Variants in FBXW11 observed in about 807,000 individuals in gnomAD.
The protein encoded by FBXW11 is F-box/WD repeat-containing protein 11.
FBXW11 carries 19 observed loss-of-function variants against 77.6 expected under a neutral mutation model. That is an observed-to-expected ratio of 0.24 (90% CI 0.17 to 0.36). The LOEUF (loss-of-function observed/expected upper bound fraction) is 0.36. Ranked by LOEUF, FBXW11 falls within the 10% of genes least tolerant of loss-of-function variation. The pLI is 1.00. For synonymous variants in FBXW11, 235 were observed against 249.4 expected, an observed-to-expected ratio of 0.94 and a Z score of 0.54; for missense variants, 334 against 704.2, an observed-to-expected ratio of 0.47 and a Z score of 5.95.
At chr5:171,885,887 T>C (rs1380198889) in intron 7 of FBXW11, among the ~76,000 whole-genome samples, 1 of 152,220 alleles carries the variant, frequency 6.6e-6, no homozygotes, top group East Asian at 1.9e-4. Flanking sequence ...GAGTTATTTT[T>C]TAAAGTGATT....
chr5:171,872,868 C>T lies in FBXW11; in HGVS notation c.1340+4G>A. On this transcript the variant is annotated splice_donor_region_variant and intron_variant, in intron 10 of 13. Coordinates refer to ENST00000517395, the MANE Select transcript of FBXW11 (RefSeq NM_001378974.1). Reference sequence around the variant, plus strand: ...GCTCTGTCAGCACACCAACTTCTACCCACCTAATGGTATTATCTGATGATC... The same window carrying T: ...GCTCTGTCAGCACACCAACTTCTACTCACCTAATGGTATTATCTGATGATC... The T allele has an allele frequency of 6.2e-7, 1 of 1,608,434 alleles. No homozygotes were observed. Among genetic ancestry groups the T allele is most frequent in the Non-Finnish European group, 8.5e-7 (1 of 1,175,250 alleles).
chr5:171,997,859 C>T (rs1025046941), intron 1 of FBXW11, among the ~76,000 whole-genome samples: 44 of 152,128 alleles, frequency 2.9e-4, no homozygotes, highest in African/African-American at 1.1e-3. Context: ...TGAACTTACT[C>T]GAACATAAAT....
At chr5:171,918,747 C>A (rs1761408758) in intron 2 of FBXW11, among the ~76,000 whole-genome samples, 1 of 152,182 alleles carries the variant, frequency 6.6e-6, no homozygotes, top group African/African-American at 2.4e-5. Flanking sequence ...ATGGATATTT[C>A]TTTGTTGTGG....
intron 2 of FBXW11, among the ~76,000 whole-genome samples, chr5:171,935,148 G>A (rs1231472338): frequency 6.6e-6 from 1 of 152,078 alleles, no homozygotes; most frequent in African/African-American, 2.4e-5. Context: ...TAGTAGAGAC[G>A]GGGTTTCACC....
intron 2 of FBXW11, among the ~76,000 whole-genome samples, chr5:171,956,815 A>C (rs1171827349): frequency 6.6e-6 from 1 of 152,226 alleles, no homozygotes; most frequent in Admixed American, 6.5e-5. Flanking sequence ...TTGCTACTGA[A>C]ACCATATTTA....
At chr5:171,980,247 A>C (rs978021474) in intron 1 of FBXW11, among the ~76,000 whole-genome samples, 1 of 152,240 alleles carries the variant, frequency 6.6e-6, no homozygotes, top group African/African-American at 2.4e-5. Flanking sequence ...CTAGATGGGG[A>C]GGAAAGTCTT....
chr5:171,972,502 TAAAAAAAAAAAAAAA>T (rs70982360), intron 1 of FBXW11, among the ~76,000 whole-genome samples: 6 of 48,218 alleles, frequency 1.2e-4, no homozygotes, highest in Non-Finnish European at 2.0e-4. Context: ...CTCTGTCTCA[TAAAAAAAAAAAAAAA>T]AAAAAAAAAA....
intron 6 of FBXW11, among the ~76,000 whole-genome samples, chr5:171,896,091 T>G (rs1759723098): frequency 6.6e-6 from 1 of 152,202 alleles, no homozygotes; most frequent in African/African-American, 2.4e-5. Flanking sequence ...CCCTTAAAAT[T>G]AAGCCAATTT....
chr5:171,892,607 A>G (rs1759430319), intron 6 of FBXW11, among the ~76,000 whole-genome samples: 1 of 152,216 alleles, frequency 6.6e-6, no homozygotes, highest in African/African-American at 2.4e-5. Context: ...GACTTAAGGG[A>G]GATAATGAGC....
chr5:171,985,772 C>T (rs932719357), intron 1 of FBXW11, among the ~76,000 whole-genome samples: 3 of 151,568 alleles, frequency 2.0e-5, no homozygotes, highest in African/African-American at 4.9e-5. Flanking sequence ...GACCCTGTAC[C>T]GAAAAATAAA....
intron 7 of FBXW11, among the ~76,000 whole-genome samples, chr5:171,881,401 C>T (rs1758491902): frequency 6.6e-6 from 1 of 152,184 alleles, no homozygotes; most frequent in Non-Finnish European, 1.5e-5. Flanking sequence ...TCATAGTTTA[C>T]TAAGGGTTTT....
chr5:171,932,661 A>G (rs1345762037), intron 2 of FBXW11, among the ~76,000 whole-genome samples: 3 of 152,162 alleles, frequency 2.0e-5, no homozygotes, highest in Non-Finnish European at 4.4e-5. Context: ...AAAACTATAT[A>G]TACTCTTGCC....
At chr5:171,940,325 A>T (rs904381911) in intron 2 of FBXW11, among the ~76,000 whole-genome samples, 10 of 152,234 alleles carry the variant, frequency 6.6e-5, no homozygotes, top group African/African-American at 2.4e-4. Context: ...TCTAATACAT[A>T]GAACAAGGAG....
chr5:171,947,812 G>C (rs1450677068), intron 2 of FBXW11, among the ~76,000 whole-genome samples: 1 of 152,140 alleles, frequency 6.6e-6, no homozygotes, highest in Non-Finnish European at 1.5e-5. Context: ...AGCTACTTGG[G>C]AGGCTGAGGT....
intron 2 of FBXW11, among the ~76,000 whole-genome samples, chr5:171,951,443 C>T (rs941558458): frequency 4.0e-5 from 6 of 151,848 alleles, no homozygotes; most frequent in African/African-American, 1.2e-4. Context: ...GGCTGAAGTG[C>T]GAGGGATCAC....
chr5:171,904,112 C>T lies in FBXW11; in HGVS notation c.437-4012G>A, dbSNP rs1760314436. On this transcript the variant is annotated intron_variant, in intron 4 of 13. Transcript: ENST00000517395. This position sits in a 1 kb window ranked among gnomAD's most constrained non-coding sequence, Gnocchi z 4.0. The stretch of plus-strand genomic sequence containing the variant: ...AGGAGTTTGAGACCAGCCTGGACAG[C>T]ATGGCAAAACTCCATCTCTACTAAA... Among the ~76,000 whole-genome samples, 1 of 152,030 alleles carries T rather than the reference C, an allele frequency of 6.6e-6. No individual in the cohort carries two copies.
chr5:171,955,004 A>G (rs1384284091), intron 2 of FBXW11, among the ~76,000 whole-genome samples: 1 of 152,186 alleles, frequency 6.6e-6, no homozygotes, highest in East Asian at 1.9e-4. Context: ...GTCACGTCAG[A>G]CTCAGTTTCC....
Position 171,868,607 on chromosome 5 carries a change from C to T in FBXW11, c.*25+3G>A. ...AATTGGAAGGGGAGAGGATAGTACTCACCTGAAACGGGTGAAAGTGCAGAC... is the reference window on the plus strand; with the variant it reads ...AATTGGAAGGGGAGAGGATAGTACTTACCTGAAACGGGTGAAAGTGCAGAC... On this transcript the variant is annotated splice_donor_region_variant and intron_variant, in intron 13 of 13. Coordinates refer to ENST00000517395, the MANE Select transcript of FBXW11 (RefSeq NM_001378974.1). 6.2e-7 allele frequency: 1 copy of T among 1,603,466 alleles called. No homozygotes were observed. The highest frequency in any genetic ancestry group is 8.5e-7 in the Non-Finnish European group (1 of 1,175,328).
intron 2 of FBXW11, among the ~76,000 whole-genome samples, chr5:171,952,442 TA>T (rs1437402173): frequency 0.021 from 508 of 24,480 alleles, 18 homozygotes; most frequent in African/African-American, 0.066. Flanking sequence ...TATATATATA[TA>T]TATATTTTTT....
Sources: allele counts gnomAD v4.1 joint callset (sites outside exome capture counted in the v4.1 genomes callset), GRCh38; gene constraint gnomAD v4.1.1; non-coding constraint Gnocchi (gnomAD v3.1); transcripts MANE v1.5; gene names NCBI Gene and HGNC (gene_info 2026-07-23, HGNC 2026-07-21).